Variants in DNAH8 observed in about 807,000 individuals in gnomAD.
The protein encoded by DNAH8 is axonemal beta dynein heavy chain 8.
DNAH8 carries 382 observed loss-of-function variants against 562.1 expected under a neutral mutation model. The observed-to-expected ratio is 0.68, with a 90% confidence interval of 0.63 to 0.74. DNAH8 has a LOEUF of 0.74. DNAH8 is among the 30% of genes least tolerant of loss of function. The probability of loss-of-function intolerance (pLI) is 0.00; values close to 1 mark genes in which losing one functional copy is unlikely to be tolerated. For synonymous variants in DNAH8, 1,881 were observed against 1,919.4 expected (o/e 0.98, Z 0.52); for missense variants, 5,203 against 5,620.4 (o/e 0.93, Z 2.37).
rs376903331 is a variant in DNAH8, at chr6:38,926,054, G to T, written c.10963-1G>T. The T allele has an allele frequency of 6.2e-7, 1 of 1,612,718 alleles. No individual in the cohort carries two copies. ...GGTGATATCCATTTCCTGTTGTTCA[G>T]ATTGGTGAGTGGGGGCTACAGGGAT... On this transcript the variant is annotated splice_acceptor_variant, in intron 73 of 92. Coordinates refer to ENST00000327475, the MANE Select transcript of DNAH8 (RefSeq NM_001206927.2). LOFTEE classifies it high-confidence loss of function.
chr6:38,842,893 A>G lies in DNAH8; in HGVS notation c.4835A>G (p.Asp1612Gly), dbSNP rs375356688. Residue 1612 changes from aspartate to glycine, a missense_variant, in exon 35 of 93, where the codon GAT becomes GGT. Coordinates refer to ENST00000327475, the MANE Select transcript of DNAH8 (RefSeq NM_001206927.2). ...GAAGCACCACTCCTTAAACATAAGG[A>G]TGATATTGAGGTACATAAGTGTATA... ...IMEAPLLKHK[D>G]DIEDICISAI... 1.9e-6 allele frequency: 3 copies of G among 1,613,532 alleles called. No homozygotes were observed. The highest frequency in any genetic ancestry group is 2.5e-6 in the Non-Finnish European group (3 of 1,179,748).
chr6:38,874,034 TTTC>T lies in DNAH8; in HGVS notation c.7620+661_7620+663del, dbSNP rs1290940027. On this transcript the variant is annotated intron_variant, in intron 52 of 92. Transcript: ENST00000327475. Reference sequence around the variant, plus strand: ...CTTTCCTCTTTCTTTCCCTTTTTCTTTTCTTTTCTTTCTTTCTTTCTTTCTTTC... The same window carrying T: ...CTTTCCTCTTTCTTTCCCTTTTTCTTTTTTCTTTCTTTCTTTCTTTCTTTC... 7.9e-4 allele frequency among the ~76,000 whole-genome samples: 46 copies of T among 58,390 alleles called. 1 individual carries two copies. In the East Asian group the frequency reaches 0.031, roughly 40 times the overall value. The allele number at this position is 58,390 out of a possible 152,430, so 38.3% of individuals were successfully genotyped here. A position where few individuals can be genotyped will look rare whatever the true frequency, so the allele number is the denominator to read the frequency against.
At chr6:38,867,752 C>CAAAA (rs68060910) in intron 47 of DNAH8, among the ~76,000 whole-genome samples, 8 of 88,746 alleles carry the variant, frequency 9.0e-5, no homozygotes, top group African/African-American at 2.2e-4. Context: ...GACTCCATCT[C>CAAAA]AAAAAAAAAA....
At chr6:39,016,250 T>TAA (rs35618746) in intron 91 of DNAH8, among the ~76,000 whole-genome samples, 5 of 151,358 alleles carry the variant, frequency 3.3e-5, no homozygotes, top group Non-Finnish European at 7.4e-5. Context: ...TAAATGGCTT[T>TAA]AAATAAAAAA....
intron 80 of DNAH8, 45 bp from the exon 81 acceptor site, chr6:38,949,407 C>A (rs1267455527): frequency 8.5e-7 from 1 of 1,169,756 alleles, no homozygotes; most frequent in Middle Eastern, 1.9e-4. Context: ...ATATATTCCA[C>A]TTACATATAG....
At chr6:38,825,664 T>C (rs1773249633) in intron 28 of DNAH8, among the ~76,000 whole-genome samples, 1 of 152,146 alleles carries the variant, frequency 6.6e-6, no homozygotes, top group Admixed American at 6.6e-5. Flanking sequence ...CATGTTGACC[T>C]GGGACAACTG....
Position 38,906,267 on chromosome 6 carries a change from A to G in DNAH8, c.9208A>G (p.Thr3070Ala), listed in dbSNP as rs1317264025. The change falls in exon 63 of 93, where the codon ACT becomes GCT. Residue 3070 changes from threonine to alanine, a missense_variant. By Grantham distance (58) the Thr-to-Ala change is moderately conservative. Around this residue, in one of 6 missense-constraint regions of DNAH8, gnomAD observed 977 missense variants for 1,061.8 expected, o/e 0.92. Coordinates refer to ENST00000327475, the MANE Select transcript of DNAH8 (RefSeq NM_001206927.2). Reference protein sequence around the residue: ...QITLTRSYNVTNLTDDLKALY... With the variant: ...QITLTRSYNVANLTDDLKALY... ...TTTTCTTCTTAGGTCTTACAATGTG[A>G]CTAATCTAACAGATGATTTAAAAGC... is the stretch of plus-strand genomic sequence containing the variant. 3.1e-6 allele frequency: 5 copies of G among 1,591,956 alleles called. No individual in the cohort carries two copies. The East Asian group carries it at 1.1e-4, about 36-fold the overall frequency.
chr6:38,838,401 G>A (rs1340214372), intron 33 of DNAH8, among the ~76,000 whole-genome samples: 1 of 149,264 alleles, frequency 6.7e-6, no homozygotes, highest in Non-Finnish European at 1.5e-5. Context: ...GGCTCCCCTT[G>A]CCTTCTTTTT....
intron 53 of DNAH8, among the ~76,000 whole-genome samples, chr6:38,877,614 G>A (rs1048584740): frequency 6.6e-6 from 1 of 152,140 alleles, no homozygotes; most frequent in Non-Finnish European, 1.5e-5. Flanking sequence ...GCACTTAGTG[G>A]TTATTTAGGG....
intron 7 of DNAH8, among the ~76,000 whole-genome samples, chr6:38,738,480 A>C (rs1163820395): frequency 6.6e-6 from 1 of 152,182 alleles, no homozygotes; most frequent in Non-Finnish European, 1.5e-5. Flanking sequence ...TAGGAATACA[A>C]CATATGTCAA....
intron 85 of DNAH8, among the ~76,000 whole-genome samples, chr6:38,975,811 A>C: frequency 6.6e-6 from 1 of 152,214 alleles, no homozygotes; most frequent in Admixed American, 6.5e-5. Context: ...TTTCATTCCC[A>C]ATTCACAAAT....
chr6:38,949,987 TA>T (rs1761749646), intron 81 of DNAH8, among the ~76,000 whole-genome samples: 1 of 152,252 alleles, frequency 6.6e-6, no homozygotes, highest in African/African-American at 2.4e-5. Context: ...AAGCTAAAGT[TA>T]AATTGCATTC....
At chr6:38,718,230 C>A (rs927196699) in intron 1 of DNAH8, among the ~76,000 whole-genome samples, 3 of 152,112 alleles carry the variant, frequency 2.0e-5, no homozygotes, top group Non-Finnish European at 4.4e-5. Flanking sequence ...TTGTAGTGAA[C>A]CACCAACCTT....
intron 72 of DNAH8, 47 bp from the exon 73 acceptor site, chr6:38,923,944 T>G: frequency 6.2e-7 from 1 of 1,602,196 alleles, no homozygotes; most frequent in Non-Finnish European, 8.5e-7. Flanking sequence ...AACAACTTAA[T>G]GTCAGGTGAC....
chr6:38,718,508 T>C (rs1762507925), intron 1 of DNAH8, among the ~76,000 whole-genome samples: 1 of 152,196 alleles, frequency 6.6e-6, no homozygotes, highest in African/African-American at 2.4e-5. Context: ...AGAGGGAAAG[T>C]TATATGATTT....
intron 91 of DNAH8, among the ~76,000 whole-genome samples, chr6:39,014,928 G>A (rs909007555): frequency 1.3e-5 from 2 of 152,162 alleles, no homozygotes; most frequent in Admixed American, 6.5e-5. Context: ...CAGGTCCAAG[G>A]AAGAGGGCCT....
Position 38,864,053 on chromosome 6 carries a change from T to C in DNAH8, c.6491T>C (p.Leu2164Ser). The change falls in exon 45 of 93, where the codon TTA (leucine) becomes TCA (serine). Residue 2164 changes from leucine to serine, a missense_variant. Coordinates refer to ENST00000327475, the MANE Select transcript of DNAH8 (RefSeq NM_001206927.2). ...VDLNPEFGIF[L>S]TMNPGYAGRQ... ...TTAAATCCAGAATTTGGAATCTTCT[T>C]AACGATGGTGAGAAAAAAGGCTTTA... 2 of 1,605,630 alleles carry C rather than the reference T, an allele frequency of 1.2e-6. No individual in the cohort carries two copies. Among genetic ancestry groups the C allele is most frequent in the Non-Finnish European group, 1.7e-6 (2 of 1,178,132 alleles).
At position 38,938,811 on chromosome 6, in the gene DNAH8, C is replaced by T; in HGVS notation, c.11830C>T (p.Pro3944Ser). 6.2e-7 allele frequency: 1 copy of T among 1,604,716 alleles called. No homozygotes were observed. The highest frequency in any genetic ancestry group is 2.2e-5 in the East Asian group (1 of 44,764). Residue 3944 changes from proline (P) to serine (S), a missense_variant, in exon 79 of 93, where the codon CCA becomes TCA. Pro to Ser is a moderately conservative substitution (Grantham distance 74). Around this residue, in one of 6 missense-constraint regions of DNAH8, gnomAD observed 1,399 missense variants for 1,518.4 expected, o/e 0.92. Coordinates refer to ENST00000327475, the MANE Select transcript of DNAH8 (RefSeq NM_001206927.2). ...DQSMARSEKS[P>S]LPQKRITNII... ...AATGTGTTTCAGATCTGAAAAGTCA[C>T]CACTACCTCAAAAGAGAATTACAAA...
At chr6:38,828,112 C>A in intron 29 of DNAH8, 72 bp from the exon 30 acceptor site, 1 of 939,920 alleles carries the variant, frequency 1.1e-6, no homozygotes, top group South Asian at 1.6e-5. Flanking sequence ...GAATGTGTTT[C>A]TAGAAGGCGT....
Sources: allele counts gnomAD v4.1 joint callset (sites outside exome capture counted in the v4.1 genomes callset), GRCh38; gene constraint gnomAD v4.1.1; regional missense constraint gnomAD v4.1.1; transcripts MANE v1.5; gene names NCBI Gene and HGNC (gene_info 2026-07-23, HGNC 2026-07-21).